PPFIBP2: variants seen among roughly 807,000 people sequenced by gnomAD.
PPFIBP2 encodes the protein PPFIB scaffold protein 2, also known as liprin-beta-2.
PPFIBP2 carries 118 observed loss-of-function variants against 118.3 expected under a neutral mutation model. The observed-to-expected ratio is 1.00, with a 90% CI of 0.86 to 1.16. The LOEUF is 1.16. Ranked by LOEUF, PPFIBP2 falls within the 50% of genes most tolerant of loss-of-function variation. PPFIBP2 has a pLI of 0.00. For synonymous variants in PPFIBP2, 414 were observed against 397.4 expected, an observed-to-expected ratio of 1.04 and a Z score of -0.50; for missense variants, 1,195 against 1,073.1, an observed-to-expected ratio of 1.11 and a Z score of -1.59.
downstream of PPFIBP2, among the ~76,000 whole-genome samples, chr11:7,657,716 A>C (rs556914927): frequency 3.3e-5 from 5 of 152,300 alleles, no homozygotes; most frequent in African/African-American, 1.2e-4. Flanking sequence ...CATGAGGGAA[A>C]ATCCTGTCTC....
chr11:7,637,209 T>C (rs1354844998), intron 14 of PPFIBP2, among the ~76,000 whole-genome samples: 1 of 152,218 alleles, frequency 6.6e-6, no homozygotes. Context: ...TACTTAGTCT[T>C]CTTAGGCTCA....
chr11:7,620,319 G>A (rs11041485), intron 6 of PPFIBP2, among the ~76,000 whole-genome samples: 5,239 of 152,192 alleles, frequency 0.034, 145 homozygotes, highest in African/African-American at 0.067. Context: ...AGCCGCATGA[G>A]TTATCTCCCT....
intron 1 of PPFIBP2, among the ~76,000 whole-genome samples, chr11:7,536,506 G>A (rs1308731639): frequency 3.9e-5 from 6 of 152,140 alleles, no homozygotes; most frequent in Admixed American, 2.0e-4. Flanking sequence ...AGTGATGATC[G>A]AAGATTAGGG....
chr11:7,665,538 A>G, the PPFIBP2 span: 1 of 1,602,986 alleles, frequency 6.2e-7, no homozygotes, highest in Non-Finnish European at 8.5e-7. Context: ...CCTGAGCTGT[A>G]CTTCCAGCCT....
At position 7,653,456 on chromosome 11, in the gene PPFIBP2, T is replaced by A; in HGVS notation, c.*238T>A. 1 of 1,500,158 alleles carries A rather than the reference T, an allele frequency of 6.7e-7. No individual in the cohort carries two copies. The highest frequency in any genetic ancestry group is 1.2e-5 in the South Asian group (1 of 82,182). The allele number at this position is 1,500,158 out of a possible 1,614,324, so 92.9% of individuals were successfully genotyped here. On this transcript the variant is annotated 3_prime_UTR_variant, in exon 24 of 24. Coordinates refer to ENST00000299492, the MANE Select transcript of PPFIBP2 (RefSeq NM_003621.5). ...AGGTGGACTCAGGAGGAAAGACACT[T>A]AAAGACACTTTTACATGTCTAGTAA...
chr11:7,645,290 G>A lies in PPFIBP2; in HGVS notation c.1646+2864G>A, dbSNP rs574060389. 3.9e-5 allele frequency among the ~76,000 whole-genome samples: 6 copies of A among 152,094 alleles called. No individual in the cohort carries two copies. In the South Asian group the frequency reaches 1.2e-3, roughly 32 times the overall value. On this transcript the variant is annotated intron_variant, in intron 17 of 23. Transcript: ENST00000299492. ...TAGTTTTGTTAGGTTTAATTCACTA[G>A]CTTTCCTACTGCACAAATGGCTTCC...
At chr11:7,558,771 GA>G (rs1853956644) in intron 2 of PPFIBP2, among the ~76,000 whole-genome samples, 1 of 151,184 alleles carries the variant, frequency 6.6e-6, no homozygotes, top group East Asian at 1.9e-4. Flanking sequence ...AAAAAAGAAA[GA>G]AAAAAAGGCT....
At chr11:7,642,144 C>T (rs770659237) in intron 16 of PPFIBP2, 154 bp from the exon 17 acceptor site, 58 of 869,538 alleles carry the variant, frequency 6.7e-5, no homozygotes, top group Non-Finnish European at 9.9e-5. Context: ...GGAGCTGCGA[C>T]AGGTTGTGAT....
chr11:7,585,427 G>T (rs141667353), intron 3 of PPFIBP2, among the ~76,000 whole-genome samples: 1,732 of 152,220 alleles, frequency 0.011, 17 homozygotes, highest in Middle Eastern at 0.017. Context: ...TGCCCCATTT[G>T]ACTACTCTGG....
At chr11:7,604,641 GT>G (rs1267968852) in intron 5 of PPFIBP2, among the ~76,000 whole-genome samples, 2 of 152,168 alleles carry the variant, frequency 1.3e-5, no homozygotes, top group African/African-American at 4.8e-5. Context: ...GGACATGGGA[GT>G]TGACGGTGTT....
At chr11:7,630,555 G>A (rs537286791) in intron 10 of PPFIBP2, among the ~76,000 whole-genome samples, 3 of 152,110 alleles carry the variant, frequency 2.0e-5, no homozygotes, top group East Asian at 1.9e-4. Context: ...TAAGTGATCC[G>A]CCTGCCTCAG....
At chr11:7,621,625 A>G (rs1045479665) in intron 7 of PPFIBP2, among the ~76,000 whole-genome samples, 1 of 152,244 alleles carries the variant, frequency 6.6e-6, no homozygotes, top group African/African-American at 2.4e-5. Context: ...TGCAGAGATC[A>G]AAACTAGTGG....
downstream of PPFIBP2, among the ~76,000 whole-genome samples, chr11:7,656,060 T>C (rs983864682): frequency 6.6e-6 from 1 of 152,224 alleles, no homozygotes; most frequent in Non-Finnish European, 1.5e-5. Flanking sequence ...CTGACTTCAC[T>C]AGCTCTGTGA....
downstream of PPFIBP2, among the ~76,000 whole-genome samples, chr11:7,657,389 T>C (rs1181657521): frequency 6.6e-6 from 1 of 152,150 alleles, no homozygotes; most frequent in Non-Finnish European, 1.5e-5. Flanking sequence ...TCCCGTCATC[T>C]GCAAGGGGTA....
At chr11:7,654,519 T>C (rs1224955208), downstream of PPFIBP2, among the ~76,000 whole-genome samples, 2 of 152,248 alleles carry the variant, frequency 1.3e-5, no homozygotes, top group African/African-American at 4.8e-5. Context: ...TAAGATTTGC[T>C]TCTTAAACTA....
chr11:7,630,980 C>CAAGTGGAA lies in PPFIBP2; in HGVS notation c.1021_1028dup (p.Asn343LysfsTer49). On this transcript the variant is annotated frameshift_variant, in exon 11 of 24. Transcript: ENST00000299492. LOFTEE classifies it high-confidence loss of function. ...AAGAAGAACCGGAGGGAGGTTTCAG[C>CAAGTGGAA]AAGTGGAACGCTACAAATAAGGACC... 1 of 1,614,118 alleles carries CAAGTGGAA rather than the reference C, an allele frequency of 6.2e-7. No individual in the cohort carries two copies. Among genetic ancestry groups the CAAGTGGAA allele is most frequent in the Non-Finnish European group, 8.5e-7 (1 of 1,179,986 alleles).
intron 3 of PPFIBP2, among the ~76,000 whole-genome samples, chr11:7,589,734 C>T (rs117336272): frequency 3.7e-3 from 566 of 152,302 alleles, no homozygotes; most frequent in Middle Eastern, 6.8e-3. Flanking sequence ...AGCTGGGCAA[C>T]TGCTCTATCG....
chr11:7,533,307 C>T (rs1850916546), intron 1 of PPFIBP2, among the ~76,000 whole-genome samples: 1 of 152,152 alleles, frequency 6.6e-6, no homozygotes, highest in South Asian at 2.1e-4. Flanking sequence ...TGGATAGCCC[C>T]CAATCCTTCT....
intron 1 of PPFIBP2, among the ~76,000 whole-genome samples, chr11:7,533,043 G>T (rs5015850): frequency 0.75 from 109,953 of 145,686 alleles, 40,584 homozygotes; most frequent in East Asian, 0.92. Flanking sequence ...GTTTTTTTTT[G>T]TTGTTGTTGC....
Sources: gnomAD v4.1 joint callset for allele counts (sites outside exome capture counted in the v4.1 genomes callset) on GRCh38, gnomAD v4.1.1 for gene constraint, MANE v1.5 for transcripts, NCBI Gene and HGNC (gene_info 2026-07-23, HGNC 2026-07-21) for gene names.